The following ARHGEF17 variants were observed in gnomAD, a reference collection of about 807,000 sequenced individuals.
ARHGEF17 encodes Rho guanine nucleotide exchange factor 17.
ARHGEF17 carries 80 observed loss-of-function variants against 174.0 expected under a neutral mutation model. The observed-to-expected ratio is 0.46, with a 90% CI of 0.38 to 0.55. ARHGEF17 has a LOEUF of 0.55. Among genes scored for constraint, ARHGEF17 ranks in the 20% least tolerant of loss-of-function variants. The probability of loss-of-function intolerance (pLI) is 0.00; values close to 1 mark genes in which losing one functional copy is unlikely to be tolerated. For missense variants in ARHGEF17, 2,886 were observed against 2,839.7 expected (o/e 1.02, Z -0.37); for synonymous variants, 1,311 against 1,189.1 (o/e 1.10, Z -2.11).
intron 1 of ARHGEF17, among the ~76,000 whole-genome samples, chr11:73,316,724 G>A (rs1864934335): frequency 6.6e-6 from 1 of 152,230 alleles, no homozygotes; most frequent in African/African-American, 2.4e-5. Flanking sequence ...AGGCCAATAG[G>A]AGGACTTCAG....
At chr11:73,358,508 A>G (rs1865683783) in intron 9 of ARHGEF17, among the ~76,000 whole-genome samples, 1 of 127,950 alleles carries the variant, frequency 7.8e-6, no homozygotes, top group African/African-American at 3.2e-5. Context: ...GCCAAGCTGG[A>G]GTGCAGTGGC....
At position 73,351,209 on chromosome 11, in the gene ARHGEF17, G is replaced by C. The variant is rs576410373; in HGVS notation, c.3271-1621G>C. 2.6e-5 allele frequency among the ~76,000 whole-genome samples: 4 copies of C among 152,334 alleles called. No individual in the cohort carries two copies. In the South Asian group the frequency reaches 8.3e-4, roughly 32 times the overall value. On this transcript the variant is annotated intron_variant, in intron 2 of 20. Transcript: ENST00000263674. Reference sequence around the variant, plus strand: ...TTTCAGAATCCCCAGCCAAGAGAGAGGATTCTGTTGAGCTTTACTTTCTCA... The same window carrying C: ...TTTCAGAATCCCCAGCCAAGAGAGACGATTCTGTTGAGCTTTACTTTCTCA...
intron 9 of ARHGEF17, among the ~76,000 whole-genome samples, chr11:73,358,453 C>A (rs1397060108): frequency 1.1e-5 from 1 of 93,296 alleles, no homozygotes; most frequent in Non-Finnish European, 2.0e-5. Flanking sequence ...AGGTCCGCCT[C>A]TTTTTTTTTT....
intron 1 of ARHGEF17, among the ~76,000 whole-genome samples, chr11:73,332,350 CGTGTGTGTGTGTGTGTGTGTGT>C (rs58725771): frequency 1.4e-3 from 164 of 120,750 alleles, no homozygotes; most frequent in African/African-American, 3.1e-3. Flanking sequence ...GCTTTTTCTC[CGTGTGTGTGTGTGTGTGTGTGT>C]GTGTGTGTGT....
chr11:73,320,472 TAAA>T (rs562549045), intron 1 of ARHGEF17, among the ~76,000 whole-genome samples: 4 of 136,300 alleles, frequency 2.9e-5, no homozygotes, highest in Non-Finnish European at 4.8e-5. Context: ...CTGTCTCCAC[TAAA>T]AAAAAAAAAA....
Position 73,355,938 on chromosome 11 carries a change from C to T in ARHGEF17, c.3648C>T (p.Tyr1216=), listed in dbSNP as rs756108203. The T allele has an allele frequency of 1.5e-5, 24 of 1,614,164 alleles. No homozygotes were observed. Among genetic ancestry groups the T allele is most frequent in the Middle Eastern group, 1.6e-4 (1 of 6,062 alleles). ...AGCCTGTGCAGCGGATCCCACGCTA[C>T]GAGCTTCTGGTGAAGGTGGGCATGG... ...MIKPVQRIPR[Y]ELLVKDLLKH... Residue 1216 remains tyrosine (Y), a synonymous_variant, in exon 5 of 21, where the codon TAC becomes TAT. Coordinates refer to ENST00000263674, the MANE Select transcript of ARHGEF17 (RefSeq NM_014786.4).
intron 1 of ARHGEF17, among the ~76,000 whole-genome samples, chr11:73,326,053 A>G (rs1156307101): frequency 1.3e-5 from 2 of 152,238 alleles, no homozygotes; most frequent in Non-Finnish European, 2.9e-5. Context: ...GGAACCTTTA[A>G]AATTCAATTG....
At chr11:73,362,411 T>C (rs772017176) in intron 13 of ARHGEF17, 22 bp from the exon 14 acceptor site, 1 of 1,525,256 alleles carries the variant, frequency 6.6e-7, no homozygotes, top group Non-Finnish European at 8.8e-7. Context: ...GCTGCTGTCA[T>C]CCTCACTCCG....
Position 73,311,258 on chromosome 11 carries a change from G to A in ARHGEF17, c.2620G>A (p.Glu874Lys), listed in dbSNP as rs754198385. The change falls in exon 1 of 21, where the codon GAA becomes AAA. Residue 874 changes from glutamate (E) to lysine (K), a missense_variant. Coordinates refer to ENST00000263674, the MANE Select transcript of ARHGEF17 (RefSeq NM_014786.4). ...CCTTGTAGAGCAGCGGGCAGAGCCA[G>A]AAGAACCTGGTGCCACCAGGAGCCG... Reference protein sequence around the residue: ...PILVEQRAEPEEPGATRSRAQ... With the variant: ...PILVEQRAEPKEPGATRSRAQ... The A allele has an allele frequency of 9.9e-6, 16 of 1,612,648 alleles. No homozygotes were observed. Among genetic ancestry groups the A allele is most frequent in the Non-Finnish European group, 1.3e-5 (15 of 1,179,588 alleles).
intron 1 of ARHGEF17, among the ~76,000 whole-genome samples, chr11:73,333,212 T>C (rs1865237224): frequency 6.6e-6 from 1 of 152,156 alleles, no homozygotes. Flanking sequence ...GCCGAAACTC[T>C]AGAAGTTCAG....
chr11:73,358,550 C>T (rs934911294), intron 9 of ARHGEF17, among the ~76,000 whole-genome samples: 4 of 150,946 alleles, frequency 2.6e-5, no homozygotes, highest in African/African-American at 4.9e-5. Flanking sequence ...CTCTGCCTGC[C>T]GGGTTCAAGC....
chr11:73,353,796 G>A (rs754924965), intron 3 of ARHGEF17, among the ~76,000 whole-genome samples: 5 of 152,108 alleles, frequency 3.3e-5, no homozygotes, highest in African/African-American at 7.2e-5. Context: ...AAAGAACATC[G>A]AAAGCAAAAC....
chr11:73,325,112 A>G (rs958588868), intron 1 of ARHGEF17, among the ~76,000 whole-genome samples: 6 of 152,162 alleles, frequency 3.9e-5, no homozygotes, highest in African/African-American at 1.4e-4. Flanking sequence ...GTATCTGGAA[A>G]GCAGATCTCT....
chr11:73,351,835 G>C (rs930009580), intron 2 of ARHGEF17, among the ~76,000 whole-genome samples: 1 of 151,928 alleles, frequency 6.6e-6, no homozygotes, highest in African/African-American at 2.4e-5. Flanking sequence ...GCCTGGCCTC[G>C]ACCTCCCAAA....
rs754182266 is a variant in ARHGEF17 at position 73,365,230 on chromosome 11, G to A, written c.5551-160G>A. 9.6e-5 allele frequency: 68 copies of A among 707,666 alleles called. No homozygotes were observed. Among genetic ancestry groups the A allele is most frequent in the Non-Finnish European group, 1.4e-4 (58 of 426,974 alleles). 43.8% of individuals were successfully genotyped at this position (707,666 alleles called of 1,614,324 possible). ...CTCCATTGTAATTCCTGAGAACTAAGTTGGGAGGTGCTGGTGAAACCAAGC... is the reference window on the plus strand; with the variant it reads ...CTCCATTGTAATTCCTGAGAACTAAATTGGGAGGTGCTGGTGAAACCAAGC... On this transcript the variant is annotated intron_variant, in intron 18 of 20. Transcript: ENST00000263674. The surrounding 1 kb of genome is among the most constrained non-coding windows in gnomAD (Gnocchi z 4.9).
chr11:73,314,973 A>G (rs751198874), intron 1 of ARHGEF17, among the ~76,000 whole-genome samples: 13 of 152,242 alleles, frequency 8.5e-5, no homozygotes, highest in Non-Finnish European at 1.9e-4. Flanking sequence ...ACGAAATTTT[A>G]ACATACTGAA....
At position 73,362,187 on chromosome 11, in the gene ARHGEF17, G is replaced by T; in HGVS notation, c.4642G>T (p.Ala1548Ser). The T allele has an allele frequency of 1.3e-6, 2 of 1,581,812 alleles. No homozygotes were observed. The highest frequency in any genetic ancestry group is 8.6e-7 in the Non-Finnish European group (1 of 1,167,710). ...GGAGGCCTGCATCGCCGTCTGTTCC[G>T]CCCGCATCCTCTGCATCGGGGCGGT... is the stretch of plus-strand genomic sequence containing the variant. Reference protein sequence around the residue: ...DVEACIAVCSARILCIGAVPG... With the variant: ...DVEACIAVCSSRILCIGAVPG... The change falls in exon 13 of 21, where the codon GCC becomes TCC. Residue 1548 changes from alanine to serine, a missense_variant. Ala to Ser is a moderately conservative substitution (Grantham distance 99, BLOSUM62 1). This residue lies in a region of ARHGEF17 where 476 missense variants were observed against 473.1 expected (regional missense o/e 1.01). Transcript: ENST00000263674.
In ARHGEF17 at chr11:73,365,270, C is replaced by G. The variant is rs1865815003; in HGVS notation, c.5551-120C>G. The G allele has an allele frequency of 8.6e-7, 1 of 1,163,132 alleles. No homozygotes were observed. The highest frequency in any genetic ancestry group is 1.2e-6 in the Non-Finnish European group (1 of 820,754). 72.1% of individuals were successfully genotyped at this position (1,163,132 alleles called of 1,614,324 possible). On this transcript the variant is annotated intron_variant, in intron 18 of 20. Transcript: ENST00000263674. The surrounding 1 kb of genome is among the most constrained non-coding windows in gnomAD (Gnocchi z 4.9). ...TGAAACCAAGCTTCGAAAGGTTAAT[C>G]AGACCAAGGACCAACGCTAGTGTGA...
intron 2 of ARHGEF17, 44 bp downstream of exon 2, chr11:73,347,004 C>T (rs775818794): frequency 1.1e-5 from 17 of 1,561,484 alleles, no homozygotes; most frequent in Non-Finnish European, 1.4e-5. Flanking sequence ...CTTTCTGAGC[C>T]TAGGAGGCTG....
Sources: gnomAD v4.1 joint callset for allele counts (sites outside exome capture counted in the v4.1 genomes callset) on GRCh38, gnomAD v4.1.1 for gene constraint, gnomAD v4.1.1 regional missense constraint, Gnocchi (gnomAD v3.1) non-coding constraint, MANE v1.5 for transcripts, NCBI Gene and HGNC (gene_info 2026-07-23, HGNC 2026-07-21) for gene names.